The following CNTNAP2 variants were observed in gnomAD, a reference collection of about 807,000 sequenced individuals.
CNTNAP2 encodes contactin associated protein 2.
CNTNAP2 carries 98 observed loss-of-function variants against 155.2 expected under a neutral mutation model. That is an observed-to-expected ratio of 0.63 (90% confidence interval 0.54 to 0.75). CNTNAP2 has a LOEUF of 0.75. Ranked by LOEUF, CNTNAP2 falls within the 30% of genes least tolerant of loss-of-function variation. The pLI, the probability that CNTNAP2 is intolerant of heterozygous loss-of-function variation, is 0.00. For missense variants in CNTNAP2, 1,727 were observed against 1,688.1 expected (o/e 1.02, Z -0.40); for synonymous variants, 651 against 631.2 (o/e 1.03, Z -0.47).
chr7:147,842,592 T>C (rs1233093689), intron 13 of CNTNAP2, among the ~76,000 whole-genome samples: 4 of 137,558 alleles, frequency 2.9e-5, no homozygotes, highest in African/African-American at 5.4e-5. Flanking sequence ...CTTTTCTTTT[T>C]TTTTTTTTTT....
intron 1 of CNTNAP2, among the ~76,000 whole-genome samples, chr7:146,740,143 A>G (rs759054264): frequency 5.3e-5 from 8 of 151,770 alleles, no homozygotes; most frequent in Non-Finnish European, 8.8e-5. Flanking sequence ...AGTCCTTGTC[A>G]TTCTTTATTT....
chr7:147,062,483 G>A, intron 4 of CNTNAP2, among the ~76,000 whole-genome samples: 1 of 151,106 alleles, frequency 6.6e-6, no homozygotes, highest in Admixed American at 6.6e-5. Context: ...CAAAAGAGAT[G>A]GCCTTTTGGG....
intron 1 of CNTNAP2, among the ~76,000 whole-genome samples, chr7:146,758,248 C>A (rs1418434105): frequency 6.6e-6 from 1 of 152,108 alleles, no homozygotes; most frequent in Non-Finnish European, 1.5e-5. Flanking sequence ...TGTACCTTTG[C>A]TTGTTTCTGT....
In CNTNAP2 at chr7:148,202,860, A is replaced by T. The variant is rs1441405344; in HGVS notation, c.3011-14428A>T. On this transcript the variant is annotated intron_variant, in intron 18 of 23. Transcript: ENST00000361727. ...TTCATTCAAGGCTCTGTGTAGTCAT[A>T]CAACAAACGCGTGGCCTAAATCCAT... 2.6e-5 allele frequency among the ~76,000 whole-genome samples: 4 copies of T among 152,216 alleles called. No individual in the cohort carries two copies. The East Asian group carries it at 7.7e-4, about 29-fold the overall frequency.
At chr7:147,352,419 C>T (rs572796674) in intron 9 of CNTNAP2, among the ~76,000 whole-genome samples, 2 of 152,016 alleles carry the variant, frequency 1.3e-5, no homozygotes, top group South Asian at 2.1e-4. Context: ...GTTTTTTCTA[C>T]CTCTAAACCT....
chr7:147,460,745 C>T lies in CNTNAP2; in HGVS notation c.1671-25190C>T, dbSNP rs1325259395. 3.9e-5 allele frequency among the ~76,000 whole-genome samples: 6 copies of T among 152,274 alleles called. No homozygotes were observed. The East Asian group carries it at 1.2e-3, about 29-fold the overall frequency. On this transcript the variant is annotated intron_variant, in intron 10 of 23. Coordinates refer to ENST00000361727, the MANE Select transcript of CNTNAP2 (RefSeq NM_014141.6). The stretch of plus-strand genomic sequence containing the variant: ...AGGAAATTGGTGCCTATACTAATAG[C>T]TGAGTATTCACATGTGTGGAAGACT...
chr7:147,360,915 A>G (rs1796137776), intron 9 of CNTNAP2, among the ~76,000 whole-genome samples: 1 of 152,160 alleles, frequency 6.6e-6, no homozygotes, highest in Non-Finnish European at 1.5e-5. Flanking sequence ...GTTTCCTTGA[A>G]CATTACCAAT....
At chr7:146,369,301 A>AT (rs1278922101) in intron 1 of CNTNAP2, among the ~76,000 whole-genome samples, 1 of 152,020 alleles carries the variant, frequency 6.6e-6, no homozygotes, top group Non-Finnish European at 1.5e-5. Context: ...ATCTAATAAT[A>AT]TTATGAAGTT....
At chr7:147,659,210 G>A (rs1297130233) in intron 13 of CNTNAP2, among the ~76,000 whole-genome samples, 3 of 152,176 alleles carry the variant, frequency 2.0e-5, no homozygotes, top group South Asian at 4.1e-4. Flanking sequence ...TCATTTCTAA[G>A]AAGGGGAAAA....
intron 3 of CNTNAP2, among the ~76,000 whole-genome samples, chr7:146,846,816 C>G (rs1419999984): frequency 6.6e-6 from 1 of 152,000 alleles, no homozygotes; most frequent in East Asian, 1.9e-4. Flanking sequence ...GTTATAATCT[C>G]ATAAGATTTC....
intron 14 of CNTNAP2, among the ~76,000 whole-genome samples, chr7:147,949,925 A>G (rs534055055): frequency 1.0e-3 from 154 of 152,314 alleles, no homozygotes; most frequent in African/African-American, 3.6e-3. Flanking sequence ...TTGAATTGGT[A>G]TTAATAACAA....
At chr7:147,377,158 A>T (rs1359643977) in intron 9 of CNTNAP2, among the ~76,000 whole-genome samples, 6 of 149,284 alleles carry the variant, frequency 4.0e-5, no homozygotes, top group African/African-American at 1.5e-4. Context: ...TGGTTGATCA[A>T]ATATTTTTAA....
intron 2 of CNTNAP2, among the ~76,000 whole-genome samples, chr7:146,777,316 A>G (rs1802406997): frequency 1.3e-5 from 2 of 152,190 alleles, no homozygotes; most frequent in South Asian, 4.1e-4. Context: ...GTCCATAATG[A>G]CATATAACTC....
intron 4 of CNTNAP2, among the ~76,000 whole-genome samples, chr7:147,083,577 T>C (rs572694589): frequency 7.4e-6 from 1 of 135,784 alleles, no homozygotes; most frequent in African/African-American, 3.2e-5. Flanking sequence ...CATATATATG[T>C]ATATATATAT....
At chr7:147,370,590 G>A (rs974283937) in intron 9 of CNTNAP2, among the ~76,000 whole-genome samples, 2 of 152,158 alleles carry the variant, frequency 1.3e-5, no homozygotes, top group Non-Finnish European at 2.9e-5. Flanking sequence ...TGGAGAACTG[G>A]TTGACCAGCA....
chr7:146,356,008 T>C (rs1264102630), intron 1 of CNTNAP2, among the ~76,000 whole-genome samples: 1 of 151,632 alleles, frequency 6.6e-6, no homozygotes, highest in African/African-American at 2.4e-5. Flanking sequence ...CCTCTTCAGC[T>C]AGAAGTCTTC....
chr7:146,281,926 T>C (rs1467589172), intron 1 of CNTNAP2, among the ~76,000 whole-genome samples: 1 of 152,226 alleles, frequency 6.6e-6, no homozygotes, highest in Non-Finnish European at 1.5e-5. Flanking sequence ...GGCTGGTGAA[T>C]TAATAAAGAT....
intron 8 of CNTNAP2, among the ~76,000 whole-genome samples, chr7:147,218,271 C>T (rs913712211): frequency 6.6e-6 from 1 of 151,690 alleles, no homozygotes; most frequent in African/African-American, 2.4e-5. Flanking sequence ...CAGATGCTTT[C>T]AATACTGTAA....
chr7:146,972,719 G>A (rs1797828390), intron 3 of CNTNAP2, among the ~76,000 whole-genome samples: 1 of 152,156 alleles, frequency 6.6e-6, no homozygotes, highest in South Asian at 2.1e-4. Context: ...GGAGGTAAAT[G>A]TTCTGCAGCA....
Sources: allele counts gnomAD v4.1 joint callset (sites outside exome capture counted in the v4.1 genomes callset), GRCh38; gene constraint gnomAD v4.1.1; transcripts MANE v1.5; gene names NCBI Gene and HGNC (gene_info 2026-07-23, HGNC 2026-07-21).